IGF2BP2: variants seen among roughly 807,000 people sequenced by gnomAD.
IGF2BP2 encodes the protein insulin like growth factor 2 mRNA binding protein 2.
Under a neutral mutation model 75.8 loss-of-function variants are expected in IGF2BP2, and 17 were observed. The ratio of observed to expected loss-of-function variants is 0.22; its 90% confidence interval spans 0.15 to 0.34. The LOEUF (loss-of-function observed/expected upper bound fraction) is 0.34, where lower values mean the gene tolerates loss of function less well. Ranked by LOEUF, IGF2BP2 falls within the 10% of genes least tolerant of loss-of-function variation. The probability of loss-of-function intolerance (pLI) is 1.00; values close to 1 mark genes in which losing one functional copy is unlikely to be tolerated. For missense variants in IGF2BP2, 516 were observed against 772.4 expected (o/e 0.67, Z 3.93); for synonymous variants, 288 against 295.6 (o/e 0.97, Z 0.26).
intron 12 of IGF2BP2, among the ~76,000 whole-genome samples, chr3:185,657,012 CT>C (rs1322389641): frequency 2.0e-4 from 30 of 152,178 alleles, no homozygotes; most frequent in Admixed American, 5.9e-4. Flanking sequence ...CTCAACCTTT[CT>C]TTATCTTCTT....
At chr3:185,757,684 C>T (rs187911790) in intron 2 of IGF2BP2, among the ~76,000 whole-genome samples, 1 of 152,140 alleles carries the variant, frequency 6.6e-6, no homozygotes, top group African/African-American at 2.4e-5. Context: ...AGGCTGGTCT[C>T]AAACTCCTAG....
chr3:185,660,465 G>A (rs1716242673), intron 10 of IGF2BP2, among the ~76,000 whole-genome samples: 1 of 152,180 alleles, frequency 6.6e-6, no homozygotes, highest in Admixed American at 6.5e-5. Context: ...GAATGAGAAG[G>A]CAGAGATGTG....
rs1169549420 is a variant in IGF2BP2 at position 185,647,171 on chromosome 3, G to A, written c.1594-33C>T. The stretch of plus-strand genomic sequence containing the variant: ...GGGAGAAACGGCAACGGGTTGGATA[G>A]GTTCCCTCCCCGTCAACGTGGTGGG... On this transcript the variant is annotated intron_variant, in intron 14 of 15. Transcript: ENST00000382199. The surrounding 1 kb of genome is among the most constrained non-coding windows in gnomAD (Gnocchi z 4.9). The A allele has an allele frequency of 2.0e-6, 3 of 1,495,642 alleles. No homozygotes were observed. Among genetic ancestry groups the A allele is most frequent in the Non-Finnish European group, 1.9e-6 (2 of 1,071,802 alleles). 92.6% of individuals were successfully genotyped at this position (1,495,642 alleles called of 1,614,324 possible).
At chr3:185,816,085 G>C (rs747872629) in intron 2 of IGF2BP2, among the ~76,000 whole-genome samples, 8 of 152,122 alleles carry the variant, frequency 5.3e-5, no homozygotes, top group Non-Finnish European at 1.0e-4. Flanking sequence ...CCTGACCTTT[G>C]CAACAGGCTG....
At chr3:185,683,557 C>T (rs1398462799) in intron 7 of IGF2BP2, among the ~76,000 whole-genome samples, 1 of 151,912 alleles carries the variant, frequency 6.6e-6, no homozygotes, top group African/African-American at 2.4e-5. Context: ...TACAGGTGTC[C>T]ACCCCAACAC....
Position 185,823,128 on chromosome 3 carries a change from A to C in IGF2BP2, c.239+25T>G, listed in dbSNP as rs551924521. ...CTTATACGTAAGGCCAATCGCAAAA[A>C]AAAAACTAAGCAAAGTATATTTACC... On this transcript the variant is annotated intron_variant, in intron 2 of 15. Coordinates refer to ENST00000382199, the MANE Select transcript of IGF2BP2 (RefSeq NM_006548.6). 2.4e-5 allele frequency: 37 copies of C among 1,558,142 alleles called. No homozygotes were observed. In the South Asian group the frequency reaches 4.4e-4, roughly 19 times the overall value.
chr3:185,817,693 G>A (rs1206393645), intron 2 of IGF2BP2, among the ~76,000 whole-genome samples: 2 of 152,162 alleles, frequency 1.3e-5, no homozygotes, highest in African/African-American at 4.8e-5. Context: ...TAATGGTGAT[G>A]ATAAATGGGA....
At chr3:185,773,505 A>C (rs1578256253) in intron 2 of IGF2BP2, among the ~76,000 whole-genome samples, 1 of 152,366 alleles carries the variant, frequency 6.6e-6, no homozygotes, top group East Asian at 1.9e-4. Context: ...CCCCAGATAT[A>C]TGGTTTTAAA....
At chr3:185,765,668 A>G (rs1732942411) in intron 2 of IGF2BP2, among the ~76,000 whole-genome samples, 1 of 152,228 alleles carries the variant, frequency 6.6e-6, no homozygotes, top group Non-Finnish European at 1.5e-5. Context: ...GGGAGTGTAG[A>G]CCAGGCTGCT....
At chr3:185,742,872 G>A (rs956060898) in intron 2 of IGF2BP2, among the ~76,000 whole-genome samples, 47 of 152,150 alleles carry the variant, frequency 3.1e-4, no homozygotes, top group African/African-American at 9.4e-4. Flanking sequence ...CGGCTGAGGC[G>A]GGCAGATCAC....
chr3:185,792,455 A>AT lies in IGF2BP2; in HGVS notation c.239+30697dup, dbSNP rs200244664. On this transcript the variant is annotated intron_variant, in intron 2 of 15. Transcript: ENST00000382199. ...CCCCGTCTCTACTAAGAATACAAAA[A>AT]TTATTTTTTTTTTTGTAAAAAATAA... 3.4e-3 allele frequency among the ~76,000 whole-genome samples: 513 copies of AT among 148,714 alleles called. 3 individuals are homozygous for AT. The highest frequency in any genetic ancestry group is 0.018 in the East Asian group (89 of 5,010).
chr3:185,739,131 T>C (rs113242083), intron 2 of IGF2BP2, among the ~76,000 whole-genome samples: 27 of 152,336 alleles, frequency 1.8e-4, no homozygotes, highest in African/African-American at 6.3e-4. Context: ...ATGTCTGGGA[T>C]TTAGCAGCGT....
chr3:185,773,147 G>C (rs1734102309), intron 2 of IGF2BP2, among the ~76,000 whole-genome samples: 1 of 152,116 alleles, frequency 6.6e-6, no homozygotes, highest in South Asian at 2.1e-4. Context: ...CTTCACTAAG[G>C]ACCAGGTAAG....
intron 4 of IGF2BP2, among the ~76,000 whole-genome samples, chr3:185,694,611 G>A (rs890266284): frequency 6.6e-6 from 1 of 152,174 alleles, no homozygotes; most frequent in Non-Finnish European, 1.5e-5. Flanking sequence ...TTGTTGTTAG[G>A]CAGCTGGAAA....
chr3:185,823,260 C>A, intron 1 of IGF2BP2, 47 bp from the exon 2 acceptor site: 1 of 1,478,260 alleles, frequency 6.8e-7, no homozygotes, highest in Non-Finnish European at 9.3e-7. Flanking sequence ...TAGATCAAGC[C>A]CGCGGGGGTC....
chr3:185,765,660 G>A (rs140300869), intron 2 of IGF2BP2, among the ~76,000 whole-genome samples: 155 of 152,328 alleles, frequency 1.0e-3, no homozygotes, highest in African/African-American at 3.7e-3. Context: ...AGGACCAAGG[G>A]AGTGTAGACC....
chr3:185,763,803 G>A (rs1204810647), intron 2 of IGF2BP2, among the ~76,000 whole-genome samples: 3 of 152,130 alleles, frequency 2.0e-5, no homozygotes, highest in Non-Finnish European at 4.4e-5. Context: ...TTGTTTTTGC[G>A]TGTTTTTTTT....
At chr3:185,766,711 T>C (rs1051434573) in intron 2 of IGF2BP2, among the ~76,000 whole-genome samples, 6 of 152,238 alleles carry the variant, frequency 3.9e-5, no homozygotes, top group Non-Finnish European at 8.8e-5. Context: ...TTTTTACTGA[T>C]TTCATTTAAT....
rs1257811890 is a variant in IGF2BP2 at position 185,651,821 on chromosome 3, G to GC, written c.1461+272dup. Among the ~76,000 whole-genome samples, 4 of 152,172 alleles carry GC rather than the reference G, an allele frequency of 2.6e-5. 1 individual carries two copies. Among genetic ancestry groups the GC allele is most frequent in the Non-Finnish European group, 5.9e-5 (4 of 68,036 alleles). Reference sequence around the variant, plus strand: ...GGAGACATCCATCCTCAAAACCAGGGCTAAGGGATCAGAGGTGCCAGAGCA... The same window carrying GC: ...GGAGACATCCATCCTCAAAACCAGGGCCTAAGGGATCAGAGGTGCCAGAGCA... On this transcript the variant is annotated intron_variant, in intron 13 of 15. Transcript: ENST00000382199.
Sources: gnomAD v4.1 joint callset for allele counts (sites outside exome capture counted in the v4.1 genomes callset) on GRCh38, gnomAD v4.1.1 for gene constraint, Gnocchi (gnomAD v3.1) non-coding constraint, MANE v1.5 for transcripts, NCBI Gene and HGNC (gene_info 2026-07-23, HGNC 2026-07-21) for gene names.